CTNNA2: variants seen among roughly 807,000 people sequenced by gnomAD.
CTNNA2 encodes the protein catenin alpha 2, also known as catenin alpha-2.
In CTNNA2, 42 loss-of-function variants were observed where a neutral mutation model predicts 101.0. That is an observed-to-expected ratio of 0.42 (90% confidence interval 0.32 to 0.54). CTNNA2 has a LOEUF of 0.54. CTNNA2 is among the 20% of genes least tolerant of loss of function. CTNNA2 has a pLI of 0.14. For missense variants in CTNNA2, 871 were observed against 1,223.1 expected (o/e 0.71, Z 4.29); for synonymous variants, 450 against 456.4 (o/e 0.99, Z 0.18).
intron 7 of CTNNA2, among the ~76,000 whole-genome samples, chr2:79,974,620 T>C (rs1221482531): frequency 6.6e-6 from 1 of 152,180 alleles, no homozygotes; most frequent in African/African-American, 2.4e-5. Flanking sequence ...TCTAATATTA[T>C]TTGATTCACA....
At chr2:79,711,176 A>G (rs1456319354) in intron 2 of CTNNA2, among the ~76,000 whole-genome samples, 8 of 151,896 alleles carry the variant, frequency 5.3e-5, no homozygotes, top group Non-Finnish European at 1.2e-4. Flanking sequence ...AAATGAGAAA[A>G]CCTATGGCAG....
intron 7 of CTNNA2, among the ~76,000 whole-genome samples, chr2:80,097,845 T>G (rs1465369840): frequency 1.3e-5 from 2 of 152,358 alleles, no homozygotes; most frequent in Admixed American, 1.3e-4. Flanking sequence ...GTGCCATGGT[T>G]TTCAGCTCCA....
chr2:79,744,720 A>T (rs886305812), intron 3 of CTNNA2, 138 bp downstream of exon 3: 1 of 815,132 alleles, frequency 1.2e-6, no homozygotes, highest in East Asian at 2.7e-5. Context: ...TGTCATTTTT[A>T]ATGTTTGCTG....
At chr2:80,020,991 A>ACC (rs1694515804) in intron 7 of CTNNA2, among the ~76,000 whole-genome samples, 1 of 119,466 alleles carries the variant, frequency 8.4e-6, no homozygotes, top group African/African-American at 3.8e-5. Flanking sequence ...ATGACCAATC[A>ACC]TCTTTTTTTT....
intron 4 of CTNNA2, among the ~76,000 whole-genome samples, chr2:79,496,004 A>C (rs148511736): frequency 0.01 from 1,533 of 152,272 alleles, 13 homozygotes; most frequent in African/African-American, 0.035. Context: ...GAATAAGAAG[A>C]ATGACAAATG....
chr2:80,528,657 T>G (rs973095480), intron 9 of CTNNA2, among the ~76,000 whole-genome samples: 1 of 152,020 alleles, frequency 6.6e-6, no homozygotes. Context: ...TTCTACCACA[T>G]AGAAGGTGCA....
At chr2:79,296,737 C>T (rs765831469) in intron 2 of CTNNA2, among the ~76,000 whole-genome samples, 12 of 152,092 alleles carry the variant, frequency 7.9e-5, no homozygotes, top group Non-Finnish European at 1.5e-4. Flanking sequence ...GCCCTTTTTG[C>T]GGTGCTTTGT....
chr2:80,114,824 C>T (rs1410739495), intron 7 of CTNNA2, among the ~76,000 whole-genome samples: 2 of 152,148 alleles, frequency 1.3e-5, no homozygotes, highest in Admixed American at 6.5e-5. Flanking sequence ...TCCTCACAAA[C>T]GGCCTGATTT....
chr2:79,813,853 A>T (rs1677242289), intron 3 of CTNNA2, among the ~76,000 whole-genome samples: 1 of 152,200 alleles, frequency 6.6e-6, no homozygotes, highest in Non-Finnish European at 1.5e-5. Context: ...TTAAAACAAC[A>T]GAAATATATT....
At chr2:80,307,448 G>T (rs1327561138) in intron 7 of CTNNA2, among the ~76,000 whole-genome samples, 1 of 151,906 alleles carries the variant, frequency 6.6e-6, no homozygotes, top group Non-Finnish European at 1.5e-5. Context: ...TTTCATGCCT[G>T]TAAGTGTCCA....
intron 4 of CTNNA2, among the ~76,000 whole-genome samples, chr2:79,500,295 T>C (rs1483288255): frequency 6.6e-6 from 1 of 152,206 alleles, no homozygotes; most frequent in Non-Finnish European, 1.5e-5. Context: ...TATTACATAT[T>C]TATTTGTTAT....
intron 7 of CTNNA2, among the ~76,000 whole-genome samples, chr2:80,031,696 T>C (rs1695300555): frequency 6.6e-6 from 1 of 152,234 alleles, no homozygotes; most frequent in Non-Finnish European, 1.5e-5. Context: ...TATAAATTTC[T>C]ATGTTGTTTA....
chr2:79,750,491 T>C (rs1240763900), intron 3 of CTNNA2, among the ~76,000 whole-genome samples: 2 of 152,234 alleles, frequency 1.3e-5, no homozygotes, highest in African/African-American at 4.8e-5. Flanking sequence ...CCATGGTAGT[T>C]ATTTAGTGTT....
Position 79,894,814 on chromosome 2 carries a change from TAGAC to T in CTNNA2, c.853-14776_853-14773del, listed in dbSNP as rs879775212. ...TGTCTCTCCAAATGTGAGCACCAAA[TAGAC>T]AGAGATCATGTATTGTTCACACTTT... On this transcript the variant is annotated intron_variant, in intron 6 of 18. Coordinates refer to ENST00000402739, the MANE Select transcript of CTNNA2 (RefSeq NM_001282597.3). Among the ~76,000 whole-genome samples, 69 of 152,366 alleles carry T rather than the reference TAGAC, an allele frequency of 4.5e-4. 1 individual carries two copies. Among genetic ancestry groups the T allele is most frequent in the African/African-American group, 1.4e-3 (58 of 41,596 alleles).
At chr2:80,148,416 G>A (rs1703486372) in intron 7 of CTNNA2, among the ~76,000 whole-genome samples, 1 of 152,252 alleles carries the variant, frequency 6.6e-6, no homozygotes, top group East Asian at 1.9e-4. Context: ...AATGATCACT[G>A]ATCCAGCTGG....
intron 2 of CTNNA2, 66 bp downstream of exon 2, chr2:79,651,724 G>C (rs2104477192): frequency 7.3e-7 from 1 of 1,360,654 alleles, no homozygotes; most frequent in East Asian, 2.3e-5. Flanking sequence ...CCTGACTCTT[G>C]GAAAAACTTA....
At chr2:80,028,814 T>C (rs1695104574) in intron 7 of CTNNA2, among the ~76,000 whole-genome samples, 1 of 152,222 alleles carries the variant, frequency 6.6e-6, no homozygotes. Context: ...GGAATGCAGA[T>C]GGCCTCTAGA....
chr2:79,306,448 G>A (rs1309288355), intron 2 of CTNNA2, among the ~76,000 whole-genome samples: 1 of 152,166 alleles, frequency 6.6e-6, no homozygotes, highest in Non-Finnish European at 1.5e-5. Flanking sequence ...AGCATGTTGT[G>A]TACCATAAAT....
At chr2:80,357,247 T>TG (rs139948297) in intron 7 of CTNNA2, among the ~76,000 whole-genome samples, 4,536 of 151,952 alleles carry the variant, frequency 0.03, 232 homozygotes, top group African/African-American at 0.1. Flanking sequence ...TTTGTTTTTT[T>TG]TTTGTTTGTT....
Sources: allele counts gnomAD v4.1 joint callset (sites outside exome capture counted in the v4.1 genomes callset), GRCh38; gene constraint gnomAD v4.1.1; transcripts MANE v1.5; gene names NCBI Gene and HGNC (gene_info 2026-07-23, HGNC 2026-07-21).